The following SSU72L1 variants were observed in gnomAD, a reference collection of about 807,000 sequenced individuals.
The protein encoded by SSU72L1 is SSU72 like 1.
chr11:4,338,616 G>A, the SSU72L1 span: 4 of 558,722 alleles, frequency 7.2e-6, no homozygotes, highest in Admixed American at 9.1e-5. Flanking sequence ...AAAGTCCCAT[G>A]CCTAAGTTCT....
chr11:4,338,588 T>C, the SSU72L1 span: 18 of 550,704 alleles, frequency 3.3e-5, no homozygotes, highest in East Asian at 5.1e-4. Context: ...CAGATGCTTC[T>C]CACAATAAAT....
chr11:4,338,408 C>T, the SSU72L1 span, among the ~76,000 whole-genome samples: 1 of 152,148 alleles, frequency 6.6e-6, no homozygotes, highest in African/African-American at 2.4e-5. Context: ...ATGATATAAG[C>T]ATGAAATTAG....
the SSU72L1 span, chr11:4,338,842 G>C: frequency 4.0e-6 from 3 of 751,126 alleles, no homozygotes; most frequent in Non-Finnish European, 7.3e-6. Flanking sequence ...TTGATCACGT[G>C]CACAGGCTGA....
the SSU72L1 span, chr11:4,338,648 C>G: frequency 1.7e-6 from 1 of 578,374 alleles, no homozygotes. Context: ...GGGACAAAGC[C>G]AGCCCAGGTG....
At chr11:4,338,601 G>C in the SSU72L1 span, 2 of 549,328 alleles carry the variant, frequency 3.6e-6, no homozygotes, top group African/African-American at 3.9e-5. Context: ...CAATAAATCC[G>C]GACTAAAGTC....
At chr11:4,338,640 G>A in the SSU72L1 span, 1 of 573,360 alleles carries the variant, frequency 1.7e-6, no homozygotes. Context: ...TGAGGAAGGG[G>A]ACAAAGCCAG....
At chr11:4,339,014 G>A in the SSU72L1 span, 6 of 483,190 alleles carry the variant, frequency 1.2e-5, 2 homozygotes, top group South Asian at 1.2e-4. Context: ...TTCCGTTGCG[G>A]GTGTAGCGTT....
chr11:4,338,333 G>T, the SSU72L1 span, among the ~76,000 whole-genome samples: 1 of 150,822 alleles, frequency 6.6e-6, no homozygotes, highest in Non-Finnish European at 1.5e-5. Context: ...TTTTCCAGCA[G>T]TCCATTATCA....
the SSU72L1 span, chr11:4,338,617 C>T: frequency 1.6e-5 from 9 of 563,752 alleles, 2 homozygotes; most frequent in Middle Eastern, 4.7e-4. Flanking sequence ...AAGTCCCATG[C>T]CTAAGTTCTT....
the SSU72L1 span, chr11:4,338,610 T>C: frequency 2.0e-5 from 11 of 556,442 alleles, no homozygotes; most frequent in African/African-American, 2.0e-4. Flanking sequence ...CGGACTAAAG[T>C]CCCATGCCTA....
At chr11:4,338,482 CCTT>C in the SSU72L1 span, among the ~76,000 whole-genome samples, 1 of 152,016 alleles carries the variant, frequency 6.6e-6, no homozygotes, top group Non-Finnish European at 1.5e-5. Context: ...AAATGTTAGT[CCTT>C]CTCATTTCCC....
At chr11:4,338,428 G>A in the SSU72L1 span, among the ~76,000 whole-genome samples, 483 of 140,800 alleles carry the variant, frequency 3.4e-3, no homozygotes, top group African/African-American at 7.3e-3. Context: ...GTTATGCCAT[G>A]TAATGCACCT....
the SSU72L1 span, chr11:4,338,713 G>C: frequency 1.4e-6 from 1 of 740,448 alleles, no homozygotes; most frequent in African/African-American, 1.8e-5. Context: ...TCCTCCATTT[G>C]CAACAGCAGC....
chr11:4,338,312 A>G, the SSU72L1 span, among the ~76,000 whole-genome samples: 1 of 150,494 alleles, frequency 6.6e-6, no homozygotes, highest in East Asian at 1.9e-4. Context: ...GAATACCCTT[A>G]AACAAATCAT....
At chr11:4,338,263 T>C in the SSU72L1 span, among the ~76,000 whole-genome samples, 1 of 150,036 alleles carries the variant, frequency 6.7e-6, no homozygotes, top group Non-Finnish European at 1.5e-5. Flanking sequence ...AGGAAGTTTA[T>C]TTAAAAGGTG....
the SSU72L1 span, chr11:4,338,827 C>T: frequency 1.3e-6 from 1 of 757,092 alleles, no homozygotes; most frequent in Non-Finnish European, 2.4e-6. Flanking sequence ...TCTTGGATTT[C>T]CATGTTGATC....
the SSU72L1 span, chr11:4,338,644 A>C: frequency 3.5e-6 from 2 of 574,408 alleles, no homozygotes; most frequent in Middle Eastern, 4.7e-4. Context: ...GAAGGGGACA[A>C]AGCCAGCCCA....
chr11:4,339,264 C>T, the SSU72L1 span: 1 of 508,028 alleles, frequency 2.0e-6, no homozygotes, highest in East Asian at 3.0e-5. Flanking sequence ...CACTGGGAAC[C>T]AGAGAGACAC....
At chr11:4,338,599 C>A in the SSU72L1 span, 3 of 550,684 alleles carry the variant, frequency 5.4e-6, no homozygotes, top group East Asian at 2.8e-5. Flanking sequence ...CACAATAAAT[C>A]CGGACTAAAG....
Sources: allele counts gnomAD v4.1 joint callset (sites outside exome capture counted in the v4.1 genomes callset), GRCh38; gene constraint gnomAD v4.1.1; transcripts MANE v1.5; gene names NCBI Gene and HGNC (gene_info 2026-07-23, HGNC 2026-07-21).